SNTG1: variants seen among roughly 807,000 people sequenced by gnomAD.
SNTG1 encodes the protein gamma-1-syntrophin.
In SNTG1, 39 loss-of-function variants were observed where a neutral mutation model predicts 74.7. The ratio of observed to expected loss-of-function variants is 0.52; its 90% CI spans 0.40 to 0.68. The LOEUF (loss-of-function observed/expected upper bound fraction) is 0.68, where lower values mean the gene tolerates loss of function less well. Among genes scored for constraint, SNTG1 ranks in the 30% least tolerant of loss-of-function variants. The pLI, the probability that SNTG1 is intolerant of heterozygous loss-of-function variation, is 0.00. For synonymous variants in SNTG1, 254 were observed against 217.1 expected, an observed-to-expected ratio of 1.17 and a Z score of -1.49; for missense variants, 685 against 609.5, an observed-to-expected ratio of 1.12 and a Z score of -1.30.
At chr8:50,363,952 T>C (rs907485220) in intron 2 of SNTG1, among the ~76,000 whole-genome samples, 1 of 152,106 alleles carries the variant, frequency 6.6e-6, no homozygotes, top group African/African-American at 2.4e-5. Context: ...ATGGCAGAGA[T>C]ACACGCCTCA....
intron 13 of SNTG1, among the ~76,000 whole-genome samples, chr8:50,645,176 GAAACATATAGAAAATA>G (rs2095100371): frequency 6.6e-6 from 1 of 150,952 alleles, no homozygotes; most frequent in African/African-American, 2.4e-5. Context: ...AATGAACCTT[GAAACATATAGAAAATA>G]TGTTTATTTT....
rs1585725850 is a variant in SNTG1, at chr8:50,573,276, T to A, written c.811-17603T>A. Among the ~76,000 whole-genome samples, 3 of 152,206 alleles carry A rather than the reference T, an allele frequency of 2.0e-5. No homozygotes were observed. In the East Asian group the frequency reaches 5.8e-4, roughly 29 times the overall value. On this transcript the variant is annotated intron_variant, in intron 12 of 18. Transcript: ENST00000642720. ...ACTGCTAAATCAATGCTGCTAAAAG[T>A]TAATAAACAAAATTCAGGGATTTAA...
chr8:49,977,368 T>C (rs2130072425), intron 1 of SNTG1, among the ~76,000 whole-genome samples: 1 of 152,324 alleles, frequency 6.6e-6, no homozygotes, highest in Non-Finnish European at 1.5e-5. Flanking sequence ...CGCAGTGCTT[T>C]GTTTGAAACT....
intron 1 of SNTG1, among the ~76,000 whole-genome samples, chr8:50,032,530 C>A (rs928735197): frequency 6.6e-6 from 1 of 151,978 alleles, no homozygotes; most frequent in Non-Finnish European, 1.5e-5. Flanking sequence ...CTCTAGGGAC[C>A]ATTGTTGCTT....
intron 2 of SNTG1, among the ~76,000 whole-genome samples, chr8:50,271,951 C>T (rs889413903): frequency 3.3e-5 from 5 of 152,168 alleles, no homozygotes; most frequent in South Asian, 2.1e-4. Flanking sequence ...ATAAAAGAGA[C>T]CCCAGGGAGC....
chr8:50,413,882 A>G (rs573154605), intron 4 of SNTG1, among the ~76,000 whole-genome samples: 8 of 152,278 alleles, frequency 5.3e-5, no homozygotes, highest in Middle Eastern at 3.4e-3. Flanking sequence ...GATTCTGGCT[A>G]TTATGATTTT....
chr8:50,269,591 A>C (rs2087668534), intron 2 of SNTG1, among the ~76,000 whole-genome samples: 2 of 152,222 alleles, frequency 1.3e-5, no homozygotes, highest in South Asian at 4.1e-4. Flanking sequence ...GCGTTTTAAC[A>C]TCCTCCACAG....
chr8:50,105,352 A>G (rs1186568952), intron 1 of SNTG1, among the ~76,000 whole-genome samples: 1 of 151,844 alleles, frequency 6.6e-6, no homozygotes, highest in Non-Finnish European at 1.5e-5. Flanking sequence ...GTGTAGTTTT[A>G]TTTCTGCACT....
intron 13 of SNTG1, among the ~76,000 whole-genome samples, chr8:50,624,036 A>G (rs749843725): frequency 6.6e-6 from 1 of 152,030 alleles, no homozygotes; most frequent in Non-Finnish European, 1.5e-5. Flanking sequence ...TCTTACAAAT[A>G]CTAATTCAAT....
intron 13 of SNTG1, among the ~76,000 whole-genome samples, chr8:50,618,167 AC>A (rs1449975857): frequency 1.3e-5 from 2 of 152,222 alleles, no homozygotes; most frequent in Non-Finnish European, 2.9e-5. Context: ...ATTACAAGTA[AC>A]TGGAATATAG....
chr8:50,319,325 C>T (rs543559250), intron 2 of SNTG1, among the ~76,000 whole-genome samples: 95 of 152,124 alleles, frequency 6.2e-4, no homozygotes, highest in African/African-American at 2.1e-3. Context: ...GATCATGCTA[C>T]TGCACTCCAG....
chr8:50,133,465 C>A (rs1224779085), intron 1 of SNTG1, among the ~76,000 whole-genome samples: 4 of 152,190 alleles, frequency 2.6e-5, no homozygotes, highest in East Asian at 3.9e-4. Context: ...TCCTTTGGTA[C>A]TAACATCTGT....
At chr8:50,571,468 A>G (rs537662570) in intron 12 of SNTG1, among the ~76,000 whole-genome samples, 1 of 152,346 alleles carries the variant, frequency 6.6e-6, no homozygotes, top group African/African-American at 2.4e-5. Flanking sequence ...TTGGGAGTGC[A>G]GTGATGGCAC....
At chr8:50,346,264 A>G (rs1232945517) in intron 2 of SNTG1, among the ~76,000 whole-genome samples, 1 of 152,200 alleles carries the variant, frequency 6.6e-6, no homozygotes, top group African/African-American at 2.4e-5. Context: ...AATTGTCATG[A>G]TATTTCAAAC....
At chr8:49,954,358 A>G (rs998017910) in intron 1 of SNTG1, among the ~76,000 whole-genome samples, 1 of 152,210 alleles carries the variant, frequency 6.6e-6, no homozygotes, top group African/African-American at 2.4e-5. Flanking sequence ...AAAGTCACCA[A>G]CAGCTCTCCT....
At chr8:50,652,809 GTAAA>G (rs1369400971) in intron 13 of SNTG1, among the ~76,000 whole-genome samples, 2 of 151,322 alleles carry the variant, frequency 1.3e-5, no homozygotes, top group South Asian at 2.1e-4. Context: ...ACAATAATAA[GTAAA>G]TAAATAAATA....
At chr8:50,189,100 G>A (rs934247745) in intron 2 of SNTG1, among the ~76,000 whole-genome samples, 5 of 152,074 alleles carry the variant, frequency 3.3e-5, no homozygotes, top group Non-Finnish European at 7.4e-5. Flanking sequence ...TAGCACAAAG[G>A]TGGAAAAACA....
rs575517167 is a variant in SNTG1, at chr8:50,274,126, T to C, written c.-28+101491T>C. Among the ~76,000 whole-genome samples, 6 of 152,160 alleles carry C rather than the reference T, an allele frequency of 3.9e-5. No homozygotes were observed. In the East Asian group the frequency reaches 1.2e-3, roughly 29 times the overall value. ...CTTTTGAGATGGAGTCTCGCTCTGT[T>C]ACCCAGGCTGGAGTGCAATGGCGAG... On this transcript the variant is annotated intron_variant, in intron 2 of 18. Transcript: ENST00000642720.
At chr8:50,092,704 T>C (rs2079784623) in intron 1 of SNTG1, among the ~76,000 whole-genome samples, 1 of 152,196 alleles carries the variant, frequency 6.6e-6, no homozygotes, top group African/African-American at 2.4e-5. Context: ...TTCCCTAATA[T>C]AATTCTTGCA....
Sources: allele counts gnomAD v4.1 joint callset (sites outside exome capture counted in the v4.1 genomes callset), GRCh38; gene constraint gnomAD v4.1.1; transcripts MANE v1.5; gene names NCBI Gene and HGNC (gene_info 2026-07-23, HGNC 2026-07-21).